Variants in TNFRSF21 observed in about 807,000 individuals in gnomAD.
TNFRSF21 encodes the protein tumor necrosis factor receptor superfamily member 21.
In TNFRSF21, 19 loss-of-function variants were observed where a neutral mutation model predicts 45.6. The observed-to-expected ratio is 0.42, with a 90% CI of 0.29 to 0.61. The LOEUF is 0.61. Ranked by LOEUF, TNFRSF21 falls within the 20% of genes least tolerant of loss-of-function variation. The probability of loss-of-function intolerance (pLI) is 0.23; values close to 1 mark genes in which losing one functional copy is unlikely to be tolerated. For missense variants in TNFRSF21, 737 were observed against 851.5 expected (o/e 0.87, Z 1.67); for synonymous variants, 314 against 335.5 (o/e 0.94, Z 0.70).
At chr6:47,267,290 G>T (rs571115122) in intron 3 of TNFRSF21, among the ~76,000 whole-genome samples, 14 of 151,996 alleles carry the variant, frequency 9.2e-5, no homozygotes, top group African/African-American at 2.4e-4. Flanking sequence ...AGTAGAGACG[G>T]GGTTTCACCA....
intron 1 of TNFRSF21, among the ~76,000 whole-genome samples, chr6:47,306,260 TG>T (rs1313200813): frequency 6.6e-6 from 1 of 152,264 alleles, no homozygotes; most frequent in Admixed American, 6.5e-5. Context: ...AAGGCATTCC[TG>T]TAATTCTCAT....
chr6:47,260,883 T>C (rs1774154214), intron 3 of TNFRSF21, among the ~76,000 whole-genome samples: 2 of 152,220 alleles, frequency 1.3e-5, no homozygotes, highest in South Asian at 4.1e-4. Context: ...TCTTGTTACA[T>C]GTAATGTCAG....
At chr6:47,237,358 C>T (rs575124701) in intron 4 of TNFRSF21, among the ~76,000 whole-genome samples, 63 of 152,242 alleles carry the variant, frequency 4.1e-4, no homozygotes, top group African/African-American at 1.4e-3. Context: ...CCATCAAAGC[C>T]GGTTTGCAGT....
rs1256255578 is a variant in TNFRSF21, at chr6:47,232,252, A to G, written c.*513T>C. 1.3e-5 allele frequency: 2 copies of G among 152,800 alleles called. No individual in the cohort carries two copies. The highest frequency in any genetic ancestry group is 3.8e-4 in the East Asian group (2 of 5,200). 9.5% of individuals were successfully genotyped at this position (152,800 alleles called of 1,614,324 possible). A position where few individuals can be genotyped will look rare whatever the true frequency, so the allele number is the denominator to read the frequency against. On this transcript the variant is annotated 3_prime_UTR_variant, in exon 6 of 6. Coordinates refer to ENST00000296861, the MANE Select transcript of TNFRSF21 (RefSeq NM_014452.5). ...TAAGAAAATTTATAAAGGACAAACAATAATAAAAATAGTAATAATATTTGT... is the reference window on the plus strand; with the variant it reads ...TAAGAAAATTTATAAAGGACAAACAGTAATAAAAATAGTAATAATATTTGT...
intron 3 of TNFRSF21, among the ~76,000 whole-genome samples, chr6:47,256,868 A>G (rs1252247750): frequency 2.0e-5 from 3 of 152,196 alleles, no homozygotes; most frequent in Non-Finnish European, 4.4e-5. Flanking sequence ...AAACATGACC[A>G]TGTTTTCTGG....
At chr6:47,244,276 A>C (rs1395566839) in intron 4 of TNFRSF21, among the ~76,000 whole-genome samples, 1 of 142,198 alleles carries the variant, frequency 7.0e-6, no homozygotes, top group African/African-American at 2.6e-5. Flanking sequence ...GTGACCCGAG[A>C]TGGCGCCACT....
At chr6:47,248,578 A>G (rs958225258) in intron 4 of TNFRSF21, among the ~76,000 whole-genome samples, 2 of 152,218 alleles carry the variant, frequency 1.3e-5, no homozygotes, top group African/African-American at 4.8e-5. Context: ...GAGGAAGCAG[A>G]CCATTATCTC....
At chr6:47,248,111 A>G (rs1168788151) in intron 4 of TNFRSF21, among the ~76,000 whole-genome samples, 2 of 152,194 alleles carry the variant, frequency 1.3e-5, no homozygotes, top group Non-Finnish European at 2.9e-5. Context: ...TTTTAATACC[A>G]TCATTTTTTA....
intron 3 of TNFRSF21, among the ~76,000 whole-genome samples, chr6:47,272,169 T>C (rs1281391615): frequency 6.6e-6 from 1 of 152,148 alleles, no homozygotes; most frequent in Non-Finnish European, 1.5e-5. Context: ...GCAGACCTAA[T>C]AGACATCTAC....
At chr6:47,307,173 C>A (rs1468975959) in intron 1 of TNFRSF21, among the ~76,000 whole-genome samples, 1 of 152,152 alleles carries the variant, frequency 6.6e-6, no homozygotes, top group African/African-American at 2.4e-5. Context: ...AAGGGCTGAA[C>A]CTCATGCCAT....
chr6:47,260,285 A>T (rs1216901076), intron 3 of TNFRSF21, among the ~76,000 whole-genome samples: 1 of 152,094 alleles, frequency 6.6e-6, no homozygotes, highest in Non-Finnish European at 1.5e-5. Context: ...GTTTATGTGG[A>T]AGGAAAAATG....
intron 3 of TNFRSF21, among the ~76,000 whole-genome samples, chr6:47,280,648 G>A (rs896815159): frequency 2.0e-5 from 3 of 152,114 alleles, no homozygotes; most frequent in Non-Finnish European, 4.4e-5. Context: ...GTTTGATTTG[G>A]CACTTCCATT....
At chr6:47,293,690 C>T (rs1762757884) in intron 1 of TNFRSF21, among the ~76,000 whole-genome samples, 1 of 152,212 alleles carries the variant, frequency 6.6e-6, no homozygotes, top group South Asian at 2.1e-4. Flanking sequence ...TTGACACCCA[C>T]TCCAACTCAC....
At chr6:47,241,701 A>C (rs1301935674) in intron 4 of TNFRSF21, among the ~76,000 whole-genome samples, 3 of 152,244 alleles carry the variant, frequency 2.0e-5, no homozygotes, top group Admixed American at 1.3e-4. Flanking sequence ...ATGTGCTTCC[A>C]AATTTTCTTT....
chr6:47,295,051 C>T (rs1014043973), intron 1 of TNFRSF21, among the ~76,000 whole-genome samples: 1 of 152,140 alleles, frequency 6.6e-6, no homozygotes, highest in Non-Finnish European at 1.5e-5. Flanking sequence ...TAAATGCCTA[C>T]TGAATGATTA....
chr6:47,264,849 C>CT (rs1243510269), intron 3 of TNFRSF21, among the ~76,000 whole-genome samples: 3 of 152,172 alleles, frequency 2.0e-5, no homozygotes, highest in African/African-American at 7.2e-5. Flanking sequence ...TGGAAAATGA[C>CT]TGCGGCTGTC....
At chr6:47,235,947 G>C (rs1166683866) in intron 4 of TNFRSF21, among the ~76,000 whole-genome samples, 1 of 152,190 alleles carries the variant, frequency 6.6e-6, no homozygotes, top group Non-Finnish European at 1.5e-5. Context: ...GTAGAGAATG[G>C]ATTTTAGGGA....
intron 3 of TNFRSF21, among the ~76,000 whole-genome samples, chr6:47,271,772 C>T (rs974829101): frequency 4.6e-5 from 7 of 152,048 alleles, no homozygotes; most frequent in African/African-American, 1.7e-4. Context: ...GGAGACCCAT[C>T]TCACACGCAC....
At chr6:47,283,065 AAT>A (rs1762592743) in intron 3 of TNFRSF21, among the ~76,000 whole-genome samples, 1 of 152,236 alleles carries the variant, frequency 6.6e-6, no homozygotes, top group South Asian at 2.1e-4. Context: ...TTTTTAGAAA[AAT>A]AGATATACCC....
Sources: allele counts gnomAD v4.1 joint callset (sites outside exome capture counted in the v4.1 genomes callset), GRCh38; gene constraint gnomAD v4.1.1; transcripts MANE v1.5; gene names NCBI Gene and HGNC (gene_info 2026-07-23, HGNC 2026-07-21).